Variants in PCDHGB7 observed in about 807,000 individuals in gnomAD.
PCDHGB7 encodes the protein protocadherin gamma subfamily B, 7.
A neutral mutation model predicts 61.4 loss-of-function variants in PCDHGB7; 37 were observed. The ratio of observed to expected loss-of-function variants is 0.60; its 90% CI spans 0.46 to 0.79. The LOEUF (loss-of-function observed/expected upper bound fraction) is 0.79, where lower values mean the gene tolerates loss of function less well. Among genes scored for constraint, PCDHGB7 ranks in the 30% least tolerant of loss-of-function variants. The pLI is 0.00. For missense variants in PCDHGB7, 1,166 were observed against 1,202.5 expected (o/e 0.97, Z 0.45); for synonymous variants, 464 against 503.5 (o/e 0.92, Z 1.05).
chr5:141,427,793 G>C, intron 1 of PCDHGB7: 1 of 1,495,528 alleles, frequency 6.7e-7, no homozygotes, highest in Non-Finnish European at 9.2e-7. Flanking sequence ...CGTCCTACGT[G>C]TCCGTGAGCG....
chr5:141,476,412 G>T lies in PCDHGB7; in HGVS notation c.2416-18395G>T. The T allele has an allele frequency of 1.2e-6, 2 of 1,614,140 alleles. No homozygotes were observed. Among genetic ancestry groups the T allele is most frequent in the Non-Finnish European group, 1.7e-6 (2 of 1,180,010 alleles). On this transcript the variant is annotated intron_variant, in intron 1 of 3. Coordinates refer to ENST00000398594, the MANE Select transcript of PCDHGB7 (RefSeq NM_018927.4). The surrounding 1 kb of genome is among the most constrained non-coding windows in gnomAD (Gnocchi z 7.6). ...CGTCTGGATCGAGAGGAGCTGTGTGGGACACTGCCCTCTTGCACTGTAACT... is the reference window on the plus strand; with the variant it reads ...CGTCTGGATCGAGAGGAGCTGTGTGTGACACTGCCCTCTTGCACTGTAACT...
chr5:141,441,633 C>T, intron 1 of PCDHGB7: 1 of 226,756 alleles, frequency 4.4e-6, no homozygotes, highest in Non-Finnish European at 8.9e-6. Flanking sequence ...CCTGGAGCCA[C>T]AGGCGCTGTG....
chr5:141,457,701 G>A (rs1341216514), intron 1 of PCDHGB7, among the ~76,000 whole-genome samples: 1 of 152,222 alleles, frequency 6.6e-6, no homozygotes, highest in Admixed American at 6.5e-5. Context: ...TGGCTTTGAT[G>A]AAACACTGTT....
rs377367120 is a variant in PCDHGB7, at chr5:141,431,614, C to A, written c.2415+11340C>A. On this transcript the variant is annotated intron_variant, in intron 1 of 3. Transcript: ENST00000398594. The surrounding 1 kb of genome is among the most constrained non-coding windows in gnomAD (Gnocchi z 4.8). ...TGAGGTATTCCTTCCGGTATGTGGA[C>A]GACAAGGCGGCCCAAGTTTTCAAAC... The A allele has an allele frequency of 8.7e-6, 14 of 1,614,206 alleles. No individual in the cohort carries two copies. In the African/African-American group the frequency reaches 1.6e-4, roughly 18 times the overall value.
Position 141,477,968 on chromosome 5 carries a change from C to T in PCDHGB7, c.2416-16839C>T. 6.2e-7 allele frequency: 1 copy of T among 1,614,140 alleles called. No individual in the cohort carries two copies. Among genetic ancestry groups the T allele is most frequent in the Non-Finnish European group, 8.5e-7 (1 of 1,180,042 alleles). The stretch of plus-strand genomic sequence containing the variant: ...TCTCTTGGGATCCCCTAACCAGAGC[C>T]TTTTTGCCATAGGGCTGCACACTGG... On this transcript the variant is annotated intron_variant, in intron 1 of 3. Transcript: ENST00000398594. The surrounding 1 kb of genome is among the most constrained non-coding windows in gnomAD (Gnocchi z 4.9).
chr5:141,421,130 A>G, intron 1 of PCDHGB7: 1 of 827,800 alleles, frequency 1.2e-6, no homozygotes, highest in South Asian at 1.8e-5. Context: ...GCTTTCTGAT[A>G]TATTTTGGAT....
chr5:141,466,977 C>T (rs2099133275), intron 1 of PCDHGB7, among the ~76,000 whole-genome samples: 1 of 151,786 alleles, frequency 6.6e-6, no homozygotes. Flanking sequence ...CACAGCTCAT[C>T]ATTTACCTTT....
intron 1 of PCDHGB7, among the ~76,000 whole-genome samples, chr5:141,465,785 T>G (rs564238782): frequency 6.6e-6 from 1 of 152,262 alleles, no homozygotes; most frequent in South Asian, 2.1e-4. Flanking sequence ...TACAGTTTTT[T>G]TTTTTTTAAG....
chr5:141,422,626 C>A, intron 1 of PCDHGB7: 2 of 1,613,334 alleles, frequency 1.2e-6, no homozygotes, highest in Non-Finnish European at 1.7e-6. Flanking sequence ...CGAAAACAAC[C>A]CCAGGGGTGC....
At chr5:141,438,633 TATAC>T (rs1373299550) in intron 1 of PCDHGB7, among the ~76,000 whole-genome samples, 3,683 of 33,472 alleles carry the variant, frequency 0.11, 56 homozygotes, top group Non-Finnish European at 0.14. Flanking sequence ...TATATATATA[TATAC>T]ACACACACAC....
chr5:141,419,166 A>G lies in PCDHGB7; in HGVS notation c.1307A>G (p.Lys436Arg). 6.2e-7 allele frequency: 1 copy of G among 1,613,944 alleles called. No individual in the cohort carries two copies. The highest frequency in any genetic ancestry group is 8.5e-7 in the Non-Finnish European group (1 of 1,179,892). Residue 436 changes from lysine (K) to arginine (R), a missense_variant, in exon 1 of 4, where the codon AAA (lysine) becomes AGA (arginine). By Grantham distance (26) the Lys-to-Arg change is conservative. Coordinates refer to ENST00000398594, the MANE Select transcript of PCDHGB7 (RefSeq NM_018927.4). Reference protein sequence around the residue: ...DRGKPPLSSSKTITLHITDVN... With the variant: ...DRGKPPLSSSRTITLHITDVN... ...GGCAAGCCTCCGTTATCCTCCAGCA[A>G]AACCATAACCCTGCACATTACTGAC...
intron 1 of PCDHGB7, among the ~76,000 whole-genome samples, chr5:141,457,289 G>A (rs907200077): frequency 2.0e-5 from 3 of 152,146 alleles, no homozygotes; most frequent in Non-Finnish European, 4.4e-5. Context: ...GAAGTTCCTT[G>A]GTTTTATTTT....
In PCDHGB7 at chr5:141,417,919, G is replaced by C; in HGVS notation, c.60G>C (p.Leu20Phe). 1 of 1,605,944 alleles carries C rather than the reference G, an allele frequency of 6.2e-7. No homozygotes were observed. The highest frequency in any genetic ancestry group is 8.5e-7 in the Non-Finnish European group (1 of 1,175,898). ...GCCCGCGGCAGGTACTATTTCCTTT[G>C]CTGCTGCCTTTGTTCTACCCCACGC... Reference protein sequence around the residue: ...RAGPRQVLFPLLLPLFYPTLC... With the variant: ...RAGPRQVLFPFLLPLFYPTLC... The change falls in exon 1 of 4, where the codon TTG becomes TTC. Residue 20 changes from leucine (L) to phenylalanine (F), a missense_variant. Transcript: ENST00000398594.
intron 1 of PCDHGB7, chr5:141,441,477 C>T (rs529495102): frequency 1.2e-4 from 20 of 170,782 alleles, no homozygotes; most frequent in Middle Eastern, 5.7e-4. Context: ...ATGCCAACGA[C>T]AATGCTCTGG....
intron 1 of PCDHGB7, among the ~76,000 whole-genome samples, chr5:141,430,383 G>GA (rs139772145): frequency 0.061 from 8,436 of 138,452 alleles, 243 homozygotes; most frequent in South Asian, 0.089. Context: ...AGCTCATTGG[G>GA]AAAAAAAAAA....
rs530404769 is a variant in PCDHGB7, at chr5:141,423,267, G to C, written c.2415+2993G>C. On this transcript the variant is annotated intron_variant, in intron 1 of 3. Coordinates refer to ENST00000398594, the MANE Select transcript of PCDHGB7 (RefSeq NM_018927.4). ...TCCTGGCGGACCTCGGCAGCCTCGA[G>C]TCTCTGGCTAACTCTGAAACCTCAG... The C allele has an allele frequency of 2.5e-6, 4 of 1,613,710 alleles. No individual in the cohort carries two copies. In the South Asian group the frequency reaches 4.4e-5, roughly 18 times the overall value.
Position 141,438,593 on chromosome 5 carries a change from T to TAC in PCDHGB7, c.2415+18320_2415+18321insCA, listed in dbSNP as rs1414976871. Reference sequence around the variant, plus strand: ...TGATATACATACATACATACATACATATATATATATATATATATATATATA... The same window carrying TAC: ...TGATATACATACATACATACATACATACATATATATATATATATATATATATA... On this transcript the variant is annotated intron_variant, in intron 1 of 3. Transcript: ENST00000398594. Among the ~76,000 whole-genome samples the TAC allele has an allele frequency of 1.6e-3, 115 of 73,944 alleles. 1 individual carries two copies. The highest frequency in any genetic ancestry group is 2.9e-3 in the African/African-American group (63 of 21,786). The allele number at this position is 73,944 out of a possible 152,430, so 48.5% of individuals were successfully genotyped here. A position where few individuals can be genotyped will look rare whatever the true frequency, so the allele number is the denominator to read the frequency against.
At position 141,476,311 on chromosome 5, in the gene PCDHGB7, G is replaced by C. The variant is rs772962568; in HGVS notation, c.2416-18496G>C. ...ATCTCGGTAGCCTCTCAGCCCGCAGGTTCCGGGTGGTGTCTGGAGCTAGCC... is the reference window on the plus strand; with the variant it reads ...ATCTCGGTAGCCTCTCAGCCCGCAGCTTCCGGGTGGTGTCTGGAGCTAGCC... On this transcript the variant is annotated intron_variant, in intron 1 of 3. Transcript: ENST00000398594. The surrounding 1 kb of genome is among the most constrained non-coding windows in gnomAD (Gnocchi z 7.6). 18 of 1,613,680 alleles carry C rather than the reference G, an allele frequency of 1.1e-5. No homozygotes were observed. Among genetic ancestry groups the C allele is most frequent in the African/African-American group, 2.7e-5 (2 of 74,766 alleles).
At chr5:141,470,236 T>C (rs1232874196) in intron 1 of PCDHGB7, among the ~76,000 whole-genome samples, 1 of 152,210 alleles carries the variant, frequency 6.6e-6, no homozygotes, top group African/African-American at 2.4e-5. Context: ...ACCAAACCCT[T>C]GAATGTCCCA....
Sources: gnomAD v4.1 joint callset for allele counts (sites outside exome capture counted in the v4.1 genomes callset) on GRCh38, gnomAD v4.1.1 for gene constraint, Gnocchi (gnomAD v3.1) non-coding constraint, MANE v1.5 for transcripts, NCBI Gene and HGNC (gene_info 2026-07-23, HGNC 2026-07-21) for gene names.